The following CD59 variants were observed in gnomAD, a reference collection of about 807,000 sequenced individuals.
CD59 encodes the protein CD59 glycoprotein.
A neutral mutation model predicts 7.0 loss-of-function variants in CD59; 3 were observed. That is an observed-to-expected ratio of 0.43 (90% CI 0.19 to 1.10). The LOEUF is 1.10. Ranked by LOEUF, CD59 falls within the 50% of genes least tolerant of loss-of-function variation. CD59 has a pLI of 0.29. For synonymous variants in CD59, 60 were observed against 62.0 expected (o/e 0.97, Z 0.15); for missense variants, 143 against 151.0 (o/e 0.95, Z 0.28).
chr11:33,731,642 G>A (rs544342874), intron 1 of CD59, among the ~76,000 whole-genome samples: 14 of 152,296 alleles, frequency 9.2e-5, no homozygotes, highest in African/African-American at 2.6e-4. Flanking sequence ...CAGGTGCTGC[G>A]TTTCTGCTGG....
At chr11:33,731,938 G>C (rs560038149) in intron 1 of CD59, among the ~76,000 whole-genome samples, 17 of 152,334 alleles carry the variant, frequency 1.1e-4, no homozygotes, top group African/African-American at 4.1e-4. Context: ...GACCTGGTGG[G>C]AGATAATTGA....
At chr11:33,722,637 C>T in intron 1 of CD59, 174 bp from the exon 2 acceptor site, 4 of 1,466,238 alleles carry the variant, frequency 2.7e-6, no homozygotes, top group Non-Finnish European at 3.6e-6. Flanking sequence ...ACCATATACC[C>T]TTGAGTAGGC....
chr11:33,735,545 T>C (rs1296296601), intron 1 of CD59, among the ~76,000 whole-genome samples: 1 of 152,132 alleles, frequency 6.6e-6, no homozygotes, highest in Non-Finnish European at 1.5e-5. Context: ...ATGTTGTTTT[T>C]TGAAAAGTCA....
At chr11:33,721,585 G>C (rs1775709920) in intron 2 of CD59, among the ~76,000 whole-genome samples, 1 of 152,184 alleles carries the variant, frequency 6.6e-6, no homozygotes, top group Non-Finnish European at 1.5e-5. Flanking sequence ...AACCACACTT[G>C]ATCTTTACAA....
chr11:33,727,576 G>A (rs1854296735), intron 1 of CD59, among the ~76,000 whole-genome samples: 1 of 152,132 alleles, frequency 6.6e-6, no homozygotes, highest in African/African-American at 2.4e-5. Context: ...ATACTGAATG[G>A]GCAAAAACTG....
In CD59 at chr11:33,709,719, G is replaced by A; in HGVS notation, c.*407C>T. 1 of 294,190 alleles carries A rather than the reference G, an allele frequency of 3.4e-6. No homozygotes were observed. Among genetic ancestry groups the A allele is most frequent in the South Asian group, 3.7e-5 (1 of 27,332 alleles). The allele number at this position is 294,190 out of a possible 1,614,324, so 18.2% of individuals were successfully genotyped here. Reference sequence around the variant, plus strand: ...AAGTTTATGAAAGCGTTCCATGTGAGAGAGGATGCTCATATACTCCTGCCC... The same window carrying A: ...AAGTTTATGAAAGCGTTCCATGTGAAAGAGGATGCTCATATACTCCTGCCC... On this transcript the variant is annotated 3_prime_UTR_variant, in exon 4 of 4. Coordinates refer to ENST00000642928, the MANE Select transcript of CD59 (RefSeq NM_000611.6).
chr11:33,717,393 T>C lies in CD59; in HGVS notation c.146A>G (p.Asp49Gly). 6.2e-7 allele frequency: 1 copy of C among 1,613,156 alleles called. No homozygotes were observed. Among genetic ancestry groups the C allele is most frequent in the Non-Finnish European group, 8.5e-7 (1 of 1,179,156 alleles). Residue 49 changes from aspartate to glycine, a missense_variant, in exon 3 of 4, where the codon GAT becomes GGT. Transcript: ENST00000642928. Reference protein sequence around the residue: ...KTAVNCSSDFDACLITKAGLQ... With the variant: ...KTAVNCSSDFGACLITKAGLQ... Reference sequence around the variant, plus strand: ...ACCAGCTTTGGTAATGAGACACGCATCAAAATCAGATGAACAATTGACGGC... The same window carrying C: ...ACCAGCTTTGGTAATGAGACACGCACCAAAATCAGATGAACAATTGACGGC...
chr11:33,733,289 CA>C (rs138323974), intron 1 of CD59, among the ~76,000 whole-genome samples: 3,611 of 152,276 alleles, frequency 0.024, 127 homozygotes, highest in African/African-American at 0.08. Flanking sequence ...GCATTTGAAA[CA>C]GCTAAATTTG....
chr11:33,714,479 A>G (rs1417424833), intron 3 of CD59, among the ~76,000 whole-genome samples: 1 of 152,224 alleles, frequency 6.6e-6, no homozygotes, highest in African/African-American at 2.4e-5. Context: ...GGCGAATGTG[A>G]AGGCCTAGGA....
At chr11:33,728,293 A>G (rs1465359689) in intron 1 of CD59, among the ~76,000 whole-genome samples, 2 of 152,208 alleles carry the variant, frequency 1.3e-5, no homozygotes, top group African/African-American at 2.4e-5. Flanking sequence ...ACAGTAACCA[A>G]AACAGCATGG....
chr11:33,712,104 T>C (rs75804101), intron 3 of CD59, among the ~76,000 whole-genome samples: 6,294 of 152,346 alleles, frequency 0.041, 318 homozygotes, highest in African/African-American at 0.12. Context: ...CTATTGAGTT[T>C]TTCAAATTTG....
Position 33,709,272 on chromosome 11 carries a change from C to G in CD59, c.*854G>C, listed in dbSNP as rs142715542. ...GTAACCACAAAGGGTGTCCCCACTGCATTCATACTATATACACACATACCT... is the reference window on the plus strand; with the variant it reads ...GTAACCACAAAGGGTGTCCCCACTGGATTCATACTATATACACACATACCT... On this transcript the variant is annotated 3_prime_UTR_variant, in exon 4 of 4. Coordinates refer to ENST00000642928, the MANE Select transcript of CD59 (RefSeq NM_000611.6). The G allele has an allele frequency of 1.3e-5, 2 of 152,406 alleles. No individual in the cohort carries two copies. Among genetic ancestry groups the G allele is most frequent in the African/African-American group, 4.8e-5 (2 of 41,560 alleles). The allele number at this position is 152,406 out of a possible 1,614,324, so 9.4% of individuals were successfully genotyped here.
At chr11:33,726,451 C>T (rs1854262320) in intron 1 of CD59, among the ~76,000 whole-genome samples, 1 of 152,178 alleles carries the variant, frequency 6.6e-6, no homozygotes, top group Non-Finnish European at 1.5e-5. Flanking sequence ...GAAATGAAGG[C>T]AGACATAAAG....
intron 2 of CD59, among the ~76,000 whole-genome samples, chr11:33,720,082 T>C (rs763845169): frequency 2.0e-5 from 3 of 152,200 alleles, no homozygotes; most frequent in Admixed American, 6.5e-5. Flanking sequence ...CTAAAACCCA[T>C]GGTTGGAACG....
rs1199944904 is a variant in CD59, at chr11:33,703,128, A to T, written c.*6998T>A. 6 of 152,224 alleles carry T rather than the reference A, an allele frequency of 3.9e-5. No individual in the cohort carries two copies. Among genetic ancestry groups the T allele is most frequent in the Non-Finnish European group, 8.8e-5 (6 of 68,054 alleles). 9.4% of individuals were successfully genotyped at this position (152,224 alleles called of 1,614,324 possible). A position where few individuals can be genotyped will look rare whatever the true frequency, so the allele number is the denominator to read the frequency against. ...ATTTTTTCCCCCTTACTCCAAGATA[A>T]TCTAAACAGATTTTACTCTGGATGG... On this transcript the variant is annotated 3_prime_UTR_variant, in exon 4 of 4. Coordinates refer to ENST00000642928, the MANE Select transcript of CD59 (RefSeq NM_000611.6).
intron 2 of CD59, among the ~76,000 whole-genome samples, chr11:33,721,762 C>A (rs149125091): frequency 1.3e-3 from 200 of 152,300 alleles, no homozygotes; most frequent in African/African-American, 3.6e-3. Context: ...TTCACATTCC[C>A]GTGTACCACT....
intron 1 of CD59, among the ~76,000 whole-genome samples, chr11:33,728,077 T>C (rs1471314234): frequency 1.3e-5 from 2 of 152,208 alleles, no homozygotes; most frequent in African/African-American, 4.8e-5. Context: ...ATCAATATCA[T>C]GAAAATGGCC....
At chr11:33,717,050 G>C (rs925458926) in intron 3 of CD59, among the ~76,000 whole-genome samples, 1 of 152,326 alleles carries the variant, frequency 6.6e-6, no homozygotes, top group Admixed American at 6.5e-5. Flanking sequence ...GCAGCACAGG[G>C]CTGCTGTAAA....
intron 2 of CD59, chr11:33,718,561 AC>A (rs950672346): frequency 6.6e-6 from 1 of 152,124 alleles, no homozygotes; most frequent in African/African-American, 2.4e-5. Flanking sequence ...TTACTGAACT[AC>A]CCCCTTCTAA....
Sources: allele counts gnomAD v4.1 joint callset (sites outside exome capture counted in the v4.1 genomes callset), GRCh38; gene constraint gnomAD v4.1.1; transcripts MANE v1.5; gene names NCBI Gene and HGNC (gene_info 2026-07-23, HGNC 2026-07-21).